Variants in LRRFIP2 observed in about 807,000 individuals in gnomAD.
The protein encoded by LRRFIP2 is LRR binding FLII interacting protein 2.
A neutral mutation model predicts 125.9 loss-of-function variants in LRRFIP2; 109 were observed. That is an observed-to-expected ratio of 0.87 (90% CI 0.74 to 1.01). The LOEUF (loss-of-function observed/expected upper bound fraction) is 1.01, where lower values mean the gene tolerates loss of function less well. Ranked by LOEUF, LRRFIP2 falls within the 50% of genes least tolerant of loss-of-function variation. The pLI, the probability that LRRFIP2 is intolerant of heterozygous loss-of-function variation, is 0.00. For missense variants in LRRFIP2, 850 were observed against 862.3 expected (o/e 0.99, Z 0.18); for synonymous variants, 291 against 293.1 (o/e 0.99, Z 0.07).
At chr3:37,072,911 T>C (rs369757952) in intron 20 of LRRFIP2, 29 bp from the exon 21 acceptor site, 28 of 1,428,616 alleles carry the variant, frequency 2.0e-5, no homozygotes, top group African/African-American at 7.1e-5. Flanking sequence ...AGAGAAGTAA[T>C]AAAAGAGCAG....
At chr3:37,101,925 T>C (rs948483260) in intron 15 of LRRFIP2, among the ~76,000 whole-genome samples, 2 of 152,152 alleles carry the variant, frequency 1.3e-5, no homozygotes, top group Non-Finnish European at 2.9e-5. Context: ...CTAAATTCAG[T>C]TCCTGATGAA....
At chr3:37,157,469 T>C (rs929636751) in intron 1 of LRRFIP2, among the ~76,000 whole-genome samples, 4 of 150,852 alleles carry the variant, frequency 2.7e-5, no homozygotes, top group Non-Finnish European at 4.4e-5. Context: ...ATAAAGATTA[T>C]GGGCAGGCAG....
At chr3:37,171,263 T>C (rs1197364328) in intron 1 of LRRFIP2, among the ~76,000 whole-genome samples, 1 of 152,164 alleles carries the variant, frequency 6.6e-6, no homozygotes, top group Non-Finnish European at 1.5e-5. Flanking sequence ...CTTCTGTGCT[T>C]GCCACTGATC....
At chr3:37,162,201 A>G (rs2096367019) in intron 1 of LRRFIP2, among the ~76,000 whole-genome samples, 1 of 151,780 alleles carries the variant, frequency 6.6e-6, no homozygotes, top group Non-Finnish European at 1.5e-5. Context: ...GAGAAAACAA[A>G]AATAAATTAT....
chr3:37,134,158 G>A (rs1036412494), intron 2 of LRRFIP2, among the ~76,000 whole-genome samples: 2 of 150,214 alleles, frequency 1.3e-5, no homozygotes, highest in African/African-American at 4.9e-5. Flanking sequence ...CTCTAGCCTG[G>A]GCAGCAGAGC....
rs112664949 is a variant in LRRFIP2, at chr3:37,066,441, C to T, written c.1465-116G>A. ...GATAAAGGCATAAAAAGCAAGAAAG[C>T]AGTCAAAAGATTGGAAACAAACAGT... On this transcript the variant is annotated intron_variant, in intron 21 of 27. Coordinates refer to ENST00000336686, the MANE Select transcript of LRRFIP2 (RefSeq NM_006309.4). 3.8e-5 allele frequency: 30 copies of T among 797,088 alleles called. 1 individual carries two copies. Among genetic ancestry groups the T allele is most frequent in the Middle Eastern group, 3.3e-4 (1 of 3,042 alleles). 49.4% of individuals were successfully genotyped at this position (797,088 alleles called of 1,614,324 possible).
At chr3:37,120,515 A>G (rs2149542813) in intron 6 of LRRFIP2, among the ~76,000 whole-genome samples, 1 of 152,316 alleles carries the variant, frequency 6.6e-6, no homozygotes, top group Admixed American at 6.5e-5. Context: ...AAAAATAACC[A>G]GCCTGGAGAA....
chr3:37,151,834 G>C (rs944124232), intron 1 of LRRFIP2, among the ~76,000 whole-genome samples: 11 of 152,108 alleles, frequency 7.2e-5, no homozygotes, highest in African/African-American at 2.7e-4. Context: ...CTGACCTCAG[G>C]AGGCGGGTGA....
chr3:37,105,885 T>C (rs2094297542), intron 13 of LRRFIP2, among the ~76,000 whole-genome samples: 1 of 152,142 alleles, frequency 6.6e-6, no homozygotes, highest in Non-Finnish European at 1.5e-5. Context: ...ACCAACATGG[T>C]GAAACCCCGT....
Position 37,094,888 on chromosome 3 carries a change from G to T in LRRFIP2, c.939C>A (p.Ala313=). The T allele has an allele frequency of 6.2e-7, 1 of 1,612,934 alleles. No individual in the cohort carries two copies. Among genetic ancestry groups the T allele is most frequent in the Non-Finnish European group, 8.5e-7 (1 of 1,178,996 alleles). ...NYTRPSSRNS[A]SATTPLSGNS... ...TTCCACTTAGAGGGGTTGTTGCTGAGGCAGAATTTCGAGATGAAGGCTAGA... is the reference window on the plus strand; with the variant it reads ...TTCCACTTAGAGGGGTTGTTGCTGATGCAGAATTTCGAGATGAAGGCTAGA... Residue 313 remains alanine, a synonymous_variant, in exon 17 of 28, where the codon GCC becomes GCA. Coordinates refer to ENST00000336686, the MANE Select transcript of LRRFIP2 (RefSeq NM_006309.4).
intron 6 of LRRFIP2, among the ~76,000 whole-genome samples, chr3:37,118,010 A>C (rs192721216): frequency 5.9e-5 from 9 of 152,336 alleles, no homozygotes; most frequent in Admixed American, 5.9e-4. Flanking sequence ...CTGGTATATA[A>C]ATAGTAACTA....
rs1048198747 is a variant in LRRFIP2, at chr3:37,149,039, C to T, written c.-55-1G>A. ...AAGTGATTTAACTGTGTTTTCAGCC[C>T]TGAAGTAAACAAAAACATAATAACT... On this transcript the variant is annotated splice_acceptor_variant, in intron 1 of 27. Transcript: ENST00000336686. LOFTEE classifies it low-confidence loss of function (5UTR_SPLICE). 19 of 1,593,678 alleles carry T rather than the reference C, an allele frequency of 1.2e-5. No individual in the cohort carries two copies. In the African/African-American group the frequency reaches 2.3e-4, roughly 19 times the overall value.
chr3:37,077,156 A>G (rs2092162831), intron 19 of LRRFIP2, among the ~76,000 whole-genome samples: 1 of 152,214 alleles, frequency 6.6e-6, no homozygotes, highest in African/African-American at 2.4e-5. Flanking sequence ...GCAAAACTAC[A>G]TACCTTTCGA....
chr3:37,112,334 C>CAAAAAAAAAAAAAAAAAAAAAA (rs1408342199), intron 8 of LRRFIP2, among the ~76,000 whole-genome samples: 1 of 73,012 alleles, frequency 1.4e-5, no homozygotes, highest in African/African-American at 4.9e-5. Flanking sequence ...GACTCCATCT[C>CAAAAAAAAAAAAAAAAAAAAAA]AAAAAAAGAA....
chr3:37,115,095 A>C lies in LRRFIP2; in HGVS notation c.331T>G (p.Tyr111Asp). The change falls in exon 7 of 28, where the codon TAT (tyrosine) becomes GAT (aspartate). Residue 111 changes from tyrosine (Y) to aspartate (D), a missense_variant and splice_region_variant. Physicochemically the swap from Tyr to Asp is radical, Grantham distance 160. Transcript: ENST00000336686. ...GATGATCTATCCTTGAACATATCAT[A>C]CTGGGTTTCAGCAAAACATGAAAGT... The part of the protein sequence containing the change: ...LSIRSVGSHR[Y>D]DMFKDRSSRL... 6.3e-7 allele frequency: 1 copy of C among 1,591,316 alleles called. No individual in the cohort carries two copies. The highest frequency in any genetic ancestry group is 8.6e-7 in the Non-Finnish European group (1 of 1,164,618).
At chr3:37,165,568 C>A (rs2096460016) in intron 1 of LRRFIP2, among the ~76,000 whole-genome samples, 1 of 151,678 alleles carries the variant, frequency 6.6e-6, no homozygotes, top group Non-Finnish European at 1.5e-5. Flanking sequence ...ACCAGCCTGA[C>A]CAGTGAAACC....
At chr3:37,123,056 C>G (rs1014052628) in intron 4 of LRRFIP2, among the ~76,000 whole-genome samples, 11 of 152,258 alleles carry the variant, frequency 7.2e-5, no homozygotes, top group African/African-American at 2.7e-4. Context: ...TGGTTGACAT[C>G]TGCTGTGACT....
chr3:37,103,407 T>C (rs552698488), intron 14 of LRRFIP2, among the ~76,000 whole-genome samples: 36 of 152,358 alleles, frequency 2.4e-4, no homozygotes, highest in South Asian at 1.9e-3. Context: ...GTTAAGAATA[T>C]ATATGCTGAA....
rs112874606 is a variant in LRRFIP2 at position 37,093,434 on chromosome 3, A to C, written c.1035+1358T>G. Reference sequence around the variant, plus strand: ...GTTCAACCCAACCAAAGAAAATAATAATCACTCTCACCTTTAAAAGAAAGC... The same window carrying C: ...GTTCAACCCAACCAAAGAAAATAATCATCACTCTCACCTTTAAAAGAAAGC... On this transcript the variant is annotated intron_variant, in intron 17 of 27. Coordinates refer to ENST00000336686, the MANE Select transcript of LRRFIP2 (RefSeq NM_006309.4). Among the ~76,000 whole-genome samples, 541 of 152,194 alleles carry C rather than the reference A, an allele frequency of 3.6e-3. 3 individuals are homozygous for C. Among genetic ancestry groups the C allele is most frequent in the African/African-American group, 0.013 (529 of 41,542 alleles).
Sources: allele counts gnomAD v4.1 joint callset (sites outside exome capture counted in the v4.1 genomes callset), GRCh38; gene constraint gnomAD v4.1.1; transcripts MANE v1.5; gene names NCBI Gene and HGNC (gene_info 2026-07-23, HGNC 2026-07-21).